Variants in GABRB2 observed in about 807,000 individuals in gnomAD.
GABRB2 encodes gamma-aminobutyric acid receptor subunit beta-2.
A neutral mutation model predicts 54.7 loss-of-function variants in GABRB2; 16 were observed. That is an observed-to-expected ratio of 0.29 (90% CI 0.20 to 0.44). The LOEUF (loss-of-function observed/expected upper bound fraction) is 0.44, where lower values mean the gene tolerates loss of function less well. Ranked by LOEUF, GABRB2 falls within the 20% of genes least tolerant of loss-of-function variation. The pLI, the probability that GABRB2 is intolerant of heterozygous loss-of-function variation, is 1.00. For synonymous variants in GABRB2, 244 were observed against 233.8 expected (o/e 1.04, Z -0.40); for missense variants, 355 against 644.0 (o/e 0.55, Z 4.86).
At chr5:161,535,143 A>G (rs1199183825) in intron 3 of GABRB2, among the ~76,000 whole-genome samples, 4 of 152,174 alleles carry the variant, frequency 2.6e-5, no homozygotes, top group Non-Finnish European at 5.9e-5. Flanking sequence ...CAATGAAAGA[A>G]ATTATGACAG....
At chr5:161,422,670 A>G (rs966509252) in intron 4 of GABRB2, among the ~76,000 whole-genome samples, 1 of 152,164 alleles carries the variant, frequency 6.6e-6, no homozygotes, top group Non-Finnish European at 1.5e-5. Flanking sequence ...AAATGTTATT[A>G]AGAGAATTTT....
chr5:161,390,771 A>C (rs1338976853), intron 5 of GABRB2, among the ~76,000 whole-genome samples: 4 of 152,094 alleles, frequency 2.6e-5, no homozygotes, highest in Non-Finnish European at 5.9e-5. Flanking sequence ...ACTAGTCTCC[A>C]TGTCCTTTCT....
chr5:161,435,169 C>T (rs1360467648), intron 4 of GABRB2, among the ~76,000 whole-genome samples: 1 of 151,568 alleles, frequency 6.6e-6, no homozygotes, highest in Non-Finnish European at 1.5e-5. Context: ...CTAGTCAATA[C>T]TAAAAATTAT....
intron 4 of GABRB2, among the ~76,000 whole-genome samples, chr5:161,435,847 C>T (rs1274858563): frequency 6.6e-6 from 1 of 152,152 alleles, no homozygotes; most frequent in Non-Finnish European, 1.5e-5. Context: ...AGCAAAACTT[C>T]TTGCCTACAA....
At chr5:161,308,288 T>C (rs1169044267) in intron 9 of GABRB2, among the ~76,000 whole-genome samples, 2 of 152,152 alleles carry the variant, frequency 1.3e-5, no homozygotes, top group African/African-American at 4.8e-5. Flanking sequence ...TTTAAGTCAG[T>C]CTTGGTACCT....
chr5:161,307,987 T>C (rs1415777402), intron 9 of GABRB2, among the ~76,000 whole-genome samples: 1 of 151,548 alleles, frequency 6.6e-6, no homozygotes, highest in Non-Finnish European at 1.5e-5. Context: ...GCCTCCTGAG[T>C]AGCTGGGACT....
At chr5:161,330,447 A>G (rs1474479266) in intron 8 of GABRB2, 1 of 154,276 alleles carries the variant, frequency 6.5e-6, no homozygotes, top group African/African-American at 2.4e-5. Context: ...TCAGGGCCAG[A>G]GACTTCATCT....
At chr5:161,359,157 C>A (rs1274057877) in intron 5 of GABRB2, among the ~76,000 whole-genome samples, 1 of 152,036 alleles carries the variant, frequency 6.6e-6, no homozygotes, top group Non-Finnish European at 1.5e-5. Flanking sequence ...CTAACTCAAC[C>A]AAGTACATAT....
chr5:161,486,372 A>G (rs1339072915), intron 3 of GABRB2, among the ~76,000 whole-genome samples: 1 of 151,924 alleles, frequency 6.6e-6, no homozygotes, highest in Non-Finnish European at 1.5e-5. Flanking sequence ...ATCTACCACA[A>G]ATGAGCAGCC....
intron 3 of GABRB2, among the ~76,000 whole-genome samples, chr5:161,473,351 G>A (rs1758500241): frequency 6.6e-6 from 1 of 152,006 alleles, no homozygotes; most frequent in Admixed American, 6.6e-5. Flanking sequence ...AAGTTGGGCA[G>A]TAGGCCATGA....
intron 5 of GABRB2, among the ~76,000 whole-genome samples, chr5:161,340,105 C>A (rs573242960): frequency 1.3e-5 from 2 of 151,964 alleles, no homozygotes; most frequent in Admixed American, 6.6e-5. Flanking sequence ...TCAGTATTTA[C>A]CTTCTTTTAT....
intron 3 of GABRB2, among the ~76,000 whole-genome samples, chr5:161,505,355 T>C (rs964437152): frequency 1.3e-5 from 2 of 152,046 alleles, no homozygotes. Context: ...GGTCTTGAAC[T>C]CCTGAGCTCT....
At chr5:161,446,447 C>A (rs1435449210) in intron 4 of GABRB2, among the ~76,000 whole-genome samples, 2 of 152,138 alleles carry the variant, frequency 1.3e-5, no homozygotes, top group Non-Finnish European at 2.9e-5. Flanking sequence ...AGCTATTCCT[C>A]TTAAGAGAAT....
At chr5:161,452,333 A>G (rs1249419718) in intron 4 of GABRB2, among the ~76,000 whole-genome samples, 1 of 152,246 alleles carries the variant, frequency 6.6e-6, no homozygotes, top group East Asian at 1.9e-4. Flanking sequence ...TAGGGAAGCT[A>G]GAATAAACAT....
intron 4 of GABRB2, among the ~76,000 whole-genome samples, chr5:161,456,350 C>T (rs1221361514): frequency 6.6e-6 from 1 of 152,178 alleles, no homozygotes; most frequent in African/African-American, 2.4e-5. Context: ...TAATAATGCA[C>T]CTTTCATAGA....
At chr5:161,377,562 A>G (rs1755344328) in intron 5 of GABRB2, among the ~76,000 whole-genome samples, 1 of 152,146 alleles carries the variant, frequency 6.6e-6, no homozygotes, top group African/African-American at 2.4e-5. Flanking sequence ...TAAAAAGAAA[A>G]CAAAACAAAG....
intron 4 of GABRB2, among the ~76,000 whole-genome samples, chr5:161,437,076 C>T (rs576013403): frequency 3.9e-4 from 59 of 152,280 alleles, no homozygotes; most frequent in African/African-American, 1.3e-3. Flanking sequence ...AGGACTGCAA[C>T]TATTTTGTGA....
At chr5:161,374,703 C>G (rs1755234882) in intron 5 of GABRB2, among the ~76,000 whole-genome samples, 1 of 152,110 alleles carries the variant, frequency 6.6e-6, no homozygotes, top group South Asian at 2.1e-4. Flanking sequence ...TTGGATTGAC[C>G]TTTCATGATC....
intron 5 of GABRB2, among the ~76,000 whole-genome samples, chr5:161,346,743 A>T (rs1754328067): frequency 6.6e-6 from 1 of 152,124 alleles, no homozygotes; most frequent in African/African-American, 2.4e-5. Context: ...ACTGTCCCTA[A>T]ACTCTAGATA....
Sources: gnomAD v4.1 joint callset for allele counts (sites outside exome capture counted in the v4.1 genomes callset) on GRCh38, gnomAD v4.1.1 for gene constraint, MANE v1.5 for transcripts, NCBI Gene and HGNC (gene_info 2026-07-23, HGNC 2026-07-21) for gene names.